PPP1R12A: variants seen among roughly 807,000 people sequenced by gnomAD.
The protein encoded by PPP1R12A is protein phosphatase 1 regulatory subunit 12A, also known as myosin binding subunit.
In PPP1R12A, 19 loss-of-function variants were observed where a neutral mutation model predicts 139.6. That is an observed-to-expected ratio of 0.14 (90% CI 0.09 to 0.20). The LOEUF (loss-of-function observed/expected upper bound fraction) is 0.20. PPP1R12A is among the 10% of genes least tolerant of loss of function. The pLI is 1.00. For synonymous variants in PPP1R12A, 427 were observed against 420.6 expected, an observed-to-expected ratio of 1.02 and a Z score of -0.19; for missense variants, 925 against 1,211.5, an observed-to-expected ratio of 0.76 and a Z score of 3.51.
chr12:79,871,127 G>T (rs1205145407), intron 2 of PPP1R12A, among the ~76,000 whole-genome samples: 1 of 152,154 alleles, frequency 6.6e-6, no homozygotes, highest in Non-Finnish European at 1.5e-5. Context: ...AAAACTGAAA[G>T]ATTCCAGGTC....
Position 79,797,263 on chromosome 12 carries a change from C to T in PPP1R12A, c.2224G>A (p.Glu742Lys). 1 of 1,587,516 alleles carries T rather than the reference C, an allele frequency of 6.3e-7. No individual in the cohort carries two copies. The change falls in exon 16 of 25, where the codon GAA becomes AAA. Residue 742 changes from glutamate (E) to lysine (K), a missense_variant. Transcript: ENST00000450142. Reference sequence around the variant, plus strand: ...CTAGATGTTTCTGACTCCTTCTTTTCTTCTTGTTTCTCTTTATCTTGTTTC... The same window carrying T: ...CTAGATGTTTCTGACTCCTTCTTTTTTTCTTGTTTCTCTTTATCTTGTTTC... ...KEKQDKEKQE[E>K]KKESETSRED...
chr12:79,898,371 G>A (rs1004267691), intron 1 of PPP1R12A, among the ~76,000 whole-genome samples: 3 of 152,152 alleles, frequency 2.0e-5, no homozygotes, highest in Admixed American at 6.5e-5. Flanking sequence ...CAGAAGAACT[G>A]CTTGAACCCG....
intron 3 of PPP1R12A, among the ~76,000 whole-genome samples, chr12:79,833,628 C>G (rs1185293764): frequency 6.7e-6 from 1 of 149,758 alleles, no homozygotes; most frequent in African/African-American, 2.5e-5. Flanking sequence ...AGTTCAAGAC[C>G]AGCCTGGCCA....
chr12:79,877,143 T>C (rs1204360196), intron 1 of PPP1R12A, among the ~76,000 whole-genome samples: 3 of 152,298 alleles, frequency 2.0e-5, no homozygotes, highest in Admixed American at 6.5e-5. Flanking sequence ...TCTTTATATT[T>C]CAAGTGGAGG....
intron 14 of PPP1R12A, among the ~76,000 whole-genome samples, chr12:79,804,246 A>C (rs967378086): frequency 4.6e-5 from 7 of 152,080 alleles, no homozygotes; most frequent in Admixed American, 1.3e-4. Context: ...GATGGATACT[A>C]ATTTCTGTTG....
At chr12:79,838,573 C>T (rs1878353289) in intron 3 of PPP1R12A, among the ~76,000 whole-genome samples, 1 of 152,222 alleles carries the variant, frequency 6.6e-6, no homozygotes. Flanking sequence ...CCAGGGCCCC[C>T]TTGCTGTGTG....
intron 3 of PPP1R12A, among the ~76,000 whole-genome samples, chr12:79,844,040 A>G (rs909878674): frequency 2.6e-5 from 4 of 152,126 alleles, no homozygotes; most frequent in African/African-American, 7.2e-5. Flanking sequence ...ATATATACAC[A>G]CACACAGCTT....
intron 1 of PPP1R12A, chr12:79,913,985 T>C (rs1041641830): frequency 1.3e-5 from 2 of 152,164 alleles, no homozygotes; most frequent in African/African-American, 2.4e-5. Flanking sequence ...TTCAGCTGTC[T>C]TAATTAAGAC....
upstream of PPP1R12A, chr12:79,935,140 GAA>G: frequency 7.5e-7 from 1 of 1,339,692 alleles, no homozygotes; most frequent in Non-Finnish European, 9.6e-7. Flanking sequence ...TCCTACCACA[GAA>G]GCCCTCCCGC....
intron 1 of PPP1R12A, among the ~76,000 whole-genome samples, chr12:79,899,728 C>G (rs4842272): frequency 0.8 from 121,765 of 151,998 alleles, 50,719 homozygotes; most frequent in Non-Finnish European, 0.93. Context: ...TTTCTCTTGG[C>G]TAAACATAAG....
At chr12:79,809,069 A>G (rs1874205339) in intron 10 of PPP1R12A, among the ~76,000 whole-genome samples, 1 of 152,126 alleles carries the variant, frequency 6.6e-6, no homozygotes, top group South Asian at 2.1e-4. Context: ...TGTAGTGACA[A>G]TGACACTCTG....
In PPP1R12A at chr12:79,820,890, C is replaced by T. The variant is rs199627405; in HGVS notation, c.998G>A (p.Arg333His). 15 of 1,613,342 alleles carry T rather than the reference C, an allele frequency of 9.3e-6. No individual in the cohort carries two copies. The highest frequency in any genetic ancestry group is 2.7e-5 in the African/African-American group (2 of 74,876). ...CTTTTCTTGTTCCAGAGATTCAATA[C>T]GGGATGCATTTTTCTCTGGTTCAAT... The part of the protein sequence containing the change: ...LIIEPEKNAS[R>H]IESLEQEKVD... The change falls in exon 8 of 25, where the codon CGT (arginine) becomes CAT (histidine). Residue 333 changes from arginine (R) to histidine (H), a missense_variant. This residue lies in a region of PPP1R12A where 403 missense variants were observed against 463.7 expected (regional missense o/e 0.87). Coordinates refer to ENST00000450142, the MANE Select transcript of PPP1R12A (RefSeq NM_002480.3).
At chr12:79,835,485 T>C (rs1328601932) in intron 3 of PPP1R12A, among the ~76,000 whole-genome samples, 1 of 152,106 alleles carries the variant, frequency 6.6e-6, no homozygotes, top group Non-Finnish European at 1.5e-5. Flanking sequence ...AGTTACCAGA[T>C]TTGGAGTTGC....
intron 1 of PPP1R12A, among the ~76,000 whole-genome samples, chr12:79,918,258 G>C (rs1456848515): frequency 6.6e-6 from 1 of 151,856 alleles, no homozygotes; most frequent in Non-Finnish European, 1.5e-5. Flanking sequence ...GGAATCAGAG[G>C]CAAGTAAGAG....
intron 1 of PPP1R12A, among the ~76,000 whole-genome samples, chr12:79,906,333 TAC>T (rs1886109316): frequency 6.6e-6 from 1 of 152,014 alleles, no homozygotes; most frequent in Non-Finnish European, 1.5e-5. Context: ...ACATTTAGAA[TAC>T]ACACAAAGTA....
chr12:79,926,681 T>G (rs184418473), intron 1 of PPP1R12A, among the ~76,000 whole-genome samples: 1 of 152,188 alleles, frequency 6.6e-6, no homozygotes, highest in African/African-American at 2.4e-5. Context: ...CAATTTTTTT[T>G]AATCATTAAA....
intron 2 of PPP1R12A, among the ~76,000 whole-genome samples, chr12:79,866,551 G>C (rs1477229465): frequency 6.6e-6 from 1 of 152,128 alleles, no homozygotes; most frequent in Non-Finnish European, 1.5e-5. Context: ...CAGAATCGGA[G>C]AAAATTTTTG....
chr12:79,843,613 TATAG>T (rs1042459186), intron 3 of PPP1R12A, among the ~76,000 whole-genome samples: 16 of 33,574 alleles, frequency 4.8e-4, no homozygotes, highest in East Asian at 4.0e-3. Flanking sequence ...CAAAAAAAAA[TATAG>T]ATATAGATAT....
At chr12:79,871,981 G>A (rs1193264219) in intron 2 of PPP1R12A, among the ~76,000 whole-genome samples, 1 of 152,098 alleles carries the variant, frequency 6.6e-6, no homozygotes, top group East Asian at 1.9e-4. Context: ...AGACCTTATC[G>A]TTCCCAGGCC....
Sources: allele counts gnomAD v4.1 joint callset (sites outside exome capture counted in the v4.1 genomes callset), GRCh38; gene constraint gnomAD v4.1.1; regional missense constraint gnomAD v4.1.1; transcripts MANE v1.5; gene names NCBI Gene and HGNC (gene_info 2026-07-23, HGNC 2026-07-21).